Variants in RBMS3 observed in about 807,000 individuals in gnomAD.
RBMS3 encodes the protein RNA binding motif single stranded interacting protein 3.
RBMS3 carries 27 observed loss-of-function variants against 66.8 expected under a neutral mutation model. The observed-to-expected ratio is 0.40, with a 90% CI of 0.30 to 0.56. The LOEUF (loss-of-function observed/expected upper bound fraction) is 0.56, where lower values mean the gene tolerates loss of function less well. RBMS3 is among the 20% of genes least tolerant of loss of function. The probability of loss-of-function intolerance (pLI) is 0.40; values close to 1 mark genes in which losing one functional copy is unlikely to be tolerated. For missense variants in RBMS3, 513 were observed against 549.5 expected (o/e 0.93, Z 0.66); for synonymous variants, 188 against 183.0 (o/e 1.03, Z -0.22).
At chr3:29,690,639 G>GT (rs2051963138) in intron 4 of RBMS3, among the ~76,000 whole-genome samples, 1 of 152,192 alleles carries the variant, frequency 6.6e-6, no homozygotes, top group South Asian at 2.1e-4. Context: ...AGTTTTGAAA[G>GT]TAATTGTTGT....
At chr3:29,519,728 G>A (rs1457587444) in intron 3 of RBMS3, among the ~76,000 whole-genome samples, 1 of 152,106 alleles carries the variant, frequency 6.6e-6, no homozygotes, top group African/African-American at 2.4e-5. Context: ...GAAATCTCAA[G>A]CTTGGACCTC....
In RBMS3 at chr3:29,309,039, C is replaced by T. The variant is rs557095303; in HGVS notation, c.75+27283C>T. ...GAATTTATAGAAATAACACAGGTAACAGAACATTAATATCTGGCTTAGGAC... is the reference window on the plus strand; with the variant it reads ...GAATTTATAGAAATAACACAGGTAATAGAACATTAATATCTGGCTTAGGAC... On this transcript the variant is annotated intron_variant, in intron 1 of 14. Transcript: ENST00000383767. Among the ~76,000 whole-genome samples the T allele has an allele frequency of 1.9e-4, 29 of 151,732 alleles. No individual in the cohort carries two copies. The East Asian group carries it at 5.7e-3, about 30-fold the overall frequency.
chr3:29,713,934 A>C (rs2053279930), intron 4 of RBMS3, among the ~76,000 whole-genome samples: 1 of 152,158 alleles, frequency 6.6e-6, no homozygotes, highest in African/African-American at 2.4e-5. Context: ...GCGTGCCTGT[A>C]GTCCCAGCTA....
At chr3:29,549,200 C>T (rs1037240211) in intron 3 of RBMS3, among the ~76,000 whole-genome samples, 8 of 151,000 alleles carry the variant, frequency 5.3e-5, no homozygotes, top group Non-Finnish European at 1.0e-4. Context: ...TTTCTATTGC[C>T]AATATTTGTG....
At chr3:29,604,309 T>C (rs79660207) in intron 4 of RBMS3, among the ~76,000 whole-genome samples, 4,086 of 152,082 alleles carry the variant, frequency 0.027, 104 homozygotes, top group Admixed American at 0.083. Context: ...GGAAACACCA[T>C]TTTTAATATC....
intron 4 of RBMS3, among the ~76,000 whole-genome samples, chr3:29,594,169 TTCATAACAATAGAAGAG>T (rs1303440825): frequency 6.6e-6 from 1 of 152,208 alleles, no homozygotes; most frequent in Non-Finnish European, 1.5e-5. Context: ...ATCCTGCATC[TTCATAACAATAGAAGAG>T]TTGCATAAAC....
chr3:29,995,641 T>C (rs940053312), intron 14 of RBMS3, among the ~76,000 whole-genome samples: 20 of 151,526 alleles, frequency 1.3e-4, no homozygotes, highest in African/African-American at 3.6e-4. Context: ...GAATTTTCAA[T>C]CCAGAATTTC....
chr3:30,000,522 A>G (rs1016882006), intron 14 of RBMS3, among the ~76,000 whole-genome samples: 5 of 152,190 alleles, frequency 3.3e-5, no homozygotes, highest in Non-Finnish European at 7.4e-5. Context: ...CATTTGACCC[A>G]GCAATCCCAT....
chr3:29,400,722 A>C (rs535962880), intron 1 of RBMS3, among the ~76,000 whole-genome samples: 1 of 152,062 alleles, frequency 6.6e-6, no homozygotes, highest in South Asian at 2.1e-4. Flanking sequence ...CGTGGGGATC[A>C]ACAGGTTGAA....
At position 29,884,185 on chromosome 3, in the gene RBMS3, C is replaced by A; in HGVS notation, c.768C>A (p.Asp256Glu). ...AGGCTGGCATGGCTTTGACCTATGA[C>A]CCCACAGCTGCCATACAGAATGGGT... ...EGEAGMALTYDPTAAIQNGFY... is the reference protein window; with the variant it reads ...EGEAGMALTYEPTAAIQNGFY... Residue 256 changes from aspartate (D) to glutamate (E), a missense_variant, in exon 8 of 15, where the codon GAC (aspartate) becomes GAA (glutamate). Coordinates refer to ENST00000383767, the MANE Select transcript of RBMS3 (RefSeq NM_001003793.3). 2 of 1,611,776 alleles carry A rather than the reference C, an allele frequency of 1.2e-6. No homozygotes were observed. The highest frequency in any genetic ancestry group is 8.5e-7 in the Non-Finnish European group (1 of 1,178,464).
intron 6 of RBMS3, among the ~76,000 whole-genome samples, chr3:29,843,707 C>T (rs1288327897): frequency 1.3e-5 from 2 of 152,136 alleles, no homozygotes; most frequent in African/African-American, 2.4e-5. Context: ...GTAATCCCAA[C>T]ACTTTGGGAG....
At chr3:29,609,346 C>T (rs967160694) in intron 4 of RBMS3, among the ~76,000 whole-genome samples, 2 of 151,880 alleles carry the variant, frequency 1.3e-5, no homozygotes, top group African/African-American at 4.8e-5. Flanking sequence ...GAAGCACAGA[C>T]CTCAATGAAA....
chr3:29,658,270 A>C (rs2050395639), intron 4 of RBMS3, among the ~76,000 whole-genome samples: 1 of 152,242 alleles, frequency 6.6e-6, no homozygotes, highest in Non-Finnish European at 1.5e-5. Context: ...GAAGAAAACC[A>C]TCTTCTTACA....
chr3:29,578,352 A>G (rs777736656), intron 3 of RBMS3, among the ~76,000 whole-genome samples: 11 of 152,112 alleles, frequency 7.2e-5, no homozygotes, highest in Non-Finnish European at 1.2e-4. Flanking sequence ...GATTGTGCAT[A>G]TATACATATA....
chr3:29,827,119 A>G (rs1045937702), intron 6 of RBMS3, among the ~76,000 whole-genome samples: 7 of 152,130 alleles, frequency 4.6e-5, no homozygotes, highest in Non-Finnish European at 8.8e-5. Context: ...GCCTGATCTG[A>G]GATGATACCT....
intron 6 of RBMS3, among the ~76,000 whole-genome samples, chr3:29,823,315 A>G (rs1576914370): frequency 6.6e-6 from 1 of 152,028 alleles, no homozygotes; most frequent in Non-Finnish European, 1.5e-5. Flanking sequence ...ACTTTATATA[A>G]TTTGGAAAAT....
intron 4 of RBMS3, among the ~76,000 whole-genome samples, chr3:29,662,479 A>G (rs1387866224): frequency 2.0e-5 from 3 of 152,236 alleles, no homozygotes; most frequent in African/African-American, 7.2e-5. Context: ...TTGTGTTACA[A>G]ATATTGACAA....
rs1240330986 is a variant in RBMS3 at position 29,868,927 on chromosome 3, A to C, written c.707A>C (p.Tyr236Ser). ...GQKKRQNQSK[Y>S]TQNGRPWPRE... ...AAGAAGCGACAGAATCAAAGCAAAT[A>C]TACCCAGAATGGGAGGCCTTGGCCC... Residue 236 changes from tyrosine (Y) to serine (S), a missense_variant, in exon 7 of 15, where the codon TAT (tyrosine) becomes TCT (serine). By Grantham distance (144) the Tyr-to-Ser change is moderately radical (BLOSUM62 -2). Transcript: ENST00000383767. 6.2e-7 allele frequency: 1 copy of C among 1,603,096 alleles called. No individual in the cohort carries two copies. Among genetic ancestry groups the C allele is most frequent in the Admixed American group, 1.7e-5 (1 of 58,852 alleles).
chr3:29,387,616 T>C (rs538257248), intron 1 of RBMS3, among the ~76,000 whole-genome samples: 2 of 152,222 alleles, frequency 1.3e-5, no homozygotes, highest in African/African-American at 4.8e-5. Context: ...TTAAAATGTA[T>C]AGATGGCCGG....
Sources: gnomAD v4.1 joint callset for allele counts (sites outside exome capture counted in the v4.1 genomes callset) on GRCh38, gnomAD v4.1.1 for gene constraint, MANE v1.5 for transcripts, NCBI Gene and HGNC (gene_info 2026-07-23, HGNC 2026-07-21) for gene names.